The following SRC variants were observed in gnomAD, a reference collection of about 807,000 sequenced individuals.
SRC encodes the protein proto-oncogene tyrosine-protein kinase Src.
Under a neutral mutation model 62.9 loss-of-function variants are expected in SRC, and 13 were observed. That is an observed-to-expected ratio of 0.21 (90% CI 0.13 to 0.33). The LOEUF is 0.33. SRC is among the 10% of genes least tolerant of loss of function. The pLI, the probability that SRC is intolerant of heterozygous loss-of-function variation, is 1.00. For synonymous variants in SRC, 302 were observed against 317.5 expected (o/e 0.95, Z 0.52); for missense variants, 457 against 737.3 (o/e 0.62, Z 4.40).
At chr20:37,355,266 G>A (rs901304932) in intron 1 of SRC, among the ~76,000 whole-genome samples, 1 of 140,734 alleles carries the variant, frequency 7.1e-6, no homozygotes, top group South Asian at 2.6e-4. Context: ...TGTTCCCGAA[G>A]GCCCCGGAAC....
At chr20:37,391,470 C>G (rs551720351) in intron 5 of SRC, among the ~76,000 whole-genome samples, 2 of 152,310 alleles carry the variant, frequency 1.3e-5, no homozygotes, top group African/African-American at 4.8e-5. Flanking sequence ...TGAAAGATCT[C>G]AGAGAGCTGT....
rs555346807 is a variant in SRC, at chr20:37,390,979, A to G, written c.351-2916A>G. 4.9e-4 allele frequency among the ~76,000 whole-genome samples: 74 copies of G among 152,272 alleles called. 1 individual carries two copies. Among genetic ancestry groups the G allele is most frequent in the South Asian group, 1.0e-3 (5 of 4,824 alleles). Reference sequence around the variant, plus strand: ...TGAAATGAAACCTCCAGACTAGACCATGAAACCCCAGGCTCACAGGTGGGC... The same window carrying G: ...TGAAATGAAACCTCCAGACTAGACCGTGAAACCCCAGGCTCACAGGTGGGC... On this transcript the variant is annotated intron_variant, in intron 5 of 13. Transcript: ENST00000373578.
At chr20:37,347,595 A>T (rs2069741428) in intron 1 of SRC, among the ~76,000 whole-genome samples, 1 of 152,186 alleles carries the variant, frequency 6.6e-6, no homozygotes, top group African/African-American at 2.4e-5. Context: ...CTTGAGAAAG[A>T]AATAGCCCTG....
chr20:37,375,375 G>A (rs1314385245), intron 2 of SRC, among the ~76,000 whole-genome samples: 1 of 152,032 alleles, frequency 6.6e-6, no homozygotes, highest in Non-Finnish European at 1.5e-5. Flanking sequence ...GGGTCTACAG[G>A]TGCACACCAT....
intron 2 of SRC, among the ~76,000 whole-genome samples, 194 bp from the exon 3 acceptor site, chr20:37,382,425 G>A (rs1483408720): frequency 6.6e-6 from 1 of 152,184 alleles, no homozygotes; most frequent in Admixed American, 6.5e-5. Context: ...ACCCTGTCTC[G>A]CTCTTGCTTT....
chr20:37,396,116 G>T lies in SRC; in HGVS notation c.554-46G>T, dbSNP rs368943243. On this transcript the variant is annotated intron_variant, in intron 7 of 13. Transcript: ENST00000373578. The surrounding 1 kb of genome is among the most constrained non-coding windows in gnomAD (Gnocchi z 6.1). ...AACGGTGTCCAGAGCAGCGGCCTGC[G>T]GGGGGAGAGGGCATGGCGGTCACGG... The T allele has an allele frequency of 5.0e-6, 8 of 1,597,838 alleles. No homozygotes were observed. In the Admixed American group the frequency reaches 5.0e-5, roughly 10 times the overall value.
At chr20:37,368,741 C>T (rs958859799) in intron 2 of SRC, among the ~76,000 whole-genome samples, 1 of 151,084 alleles carries the variant, frequency 6.6e-6, no homozygotes, top group Admixed American at 6.6e-5. Flanking sequence ...TTAGTAGAGA[C>T]GGGGTTTCAC....
intron 7 of SRC, among the ~76,000 whole-genome samples, chr20:37,395,261 G>T (rs554790175): frequency 6.6e-6 from 1 of 152,336 alleles, no homozygotes; most frequent in South Asian, 2.1e-4. Context: ...TCTTCTGTAC[G>T]CTGGGATTGT....
At chr20:37,386,951 C>T (rs900308830) in intron 5 of SRC, among the ~76,000 whole-genome samples, 1 of 152,232 alleles carries the variant, frequency 6.6e-6, no homozygotes, top group African/African-American at 2.4e-5. Flanking sequence ...CCGGTGATGA[C>T]CACAGGGACT....
At chr20:37,372,523 C>T (rs912169325) in intron 2 of SRC, among the ~76,000 whole-genome samples, 13 of 152,050 alleles carry the variant, frequency 8.5e-5, no homozygotes, top group Non-Finnish European at 1.6e-4. Context: ...TTACTTCATT[C>T]TATTGTGGTT....
In SRC at chr20:37,396,097, G is replaced by C. The variant is rs2070641651; in HGVS notation, c.554-65G>C. ...CAATGTCAGGCAGGCACAGAACGGT[G>C]TCCAGAGCAGCGGCCTGCGGGGGGA... is the stretch of plus-strand genomic sequence containing the variant. On this transcript the variant is annotated intron_variant, in intron 7 of 13. Transcript: ENST00000373578. The surrounding 1 kb of genome is among the most constrained non-coding windows in gnomAD (Gnocchi z 6.1). The C allele has an allele frequency of 6.3e-7, 1 of 1,580,758 alleles. No individual in the cohort carries two copies. The highest frequency in any genetic ancestry group is 8.6e-7 in the Non-Finnish European group (1 of 1,166,522).
At position 37,384,115 on chromosome 20, in the gene SRC, C is replaced by A; in HGVS notation, c.-4-35C>A. The A allele has an allele frequency of 6.3e-7, 1 of 1,591,942 alleles. No homozygotes were observed. Among genetic ancestry groups the A allele is most frequent in the African/African-American group, 1.4e-5 (1 of 73,392 alleles). On this transcript the variant is annotated intron_variant, in intron 3 of 13. Transcript: ENST00000373578. The surrounding 1 kb of genome is among the most constrained non-coding windows in gnomAD (Gnocchi z 6.7). ...GGCCGGCCAAGGGGCCCCGGCAGCC[C>A]TGCCTGTTCCAGTGTCTTCTCTCTC...
At chr20:37,345,160 T>C (rs1227005352), upstream of SRC, among the ~76,000 whole-genome samples, 1 of 152,068 alleles carries the variant, frequency 6.6e-6, no homozygotes, top group Non-Finnish European at 1.5e-5. Context: ...AAAGAAGGAA[T>C]ATGGAGGCAG....
At chr20:37,355,260 C>G (rs891387557) in intron 1 of SRC, among the ~76,000 whole-genome samples, 4 of 135,748 alleles carry the variant, frequency 2.9e-5, no homozygotes, top group African/African-American at 8.0e-5. Context: ...GCCAGGTGTT[C>G]CCGAAGGCCC....
intron 1 of SRC, among the ~76,000 whole-genome samples, chr20:37,357,398 C>T (rs2069899547): frequency 6.6e-6 from 1 of 152,194 alleles, no homozygotes; most frequent in African/African-American, 2.4e-5. Flanking sequence ...GGGTGCCCTG[C>T]TTGCTCTTCC....
chr20:37,393,723 T>G (rs1361587771), intron 5 of SRC, 172 bp from the exon 6 acceptor site: 7 of 574,140 alleles, frequency 1.2e-5, no homozygotes, highest in South Asian at 4.6e-5. Flanking sequence ...AGGGGAGGAG[T>G]TCCAGGCCAG....
intron 4 of SRC, among the ~76,000 whole-genome samples, chr20:37,385,459 A>AG (rs1464449495): frequency 7.1e-6 from 1 of 141,034 alleles, no homozygotes; most frequent in African/African-American, 2.6e-5. Flanking sequence ...CAGCTCGTGG[A>AG]GGGTGTTAGA....
intron 2 of SRC, among the ~76,000 whole-genome samples, chr20:37,366,058 T>C (rs1404335055): frequency 6.6e-6 from 1 of 152,220 alleles, no homozygotes; most frequent in Non-Finnish European, 1.5e-5. Context: ...CTTTATTTAA[T>C]TAAGGACAGA....
chr20:37,345,678 G>A (rs963904811), upstream of SRC, among the ~76,000 whole-genome samples: 2 of 152,252 alleles, frequency 1.3e-5, no homozygotes, highest in Non-Finnish European at 2.9e-5. Context: ...CTCAGGCCAG[G>A]TGGTGGTTAG....
Sources: gnomAD v4.1 joint callset for allele counts (sites outside exome capture counted in the v4.1 genomes callset) on GRCh38, gnomAD v4.1.1 for gene constraint, Gnocchi (gnomAD v3.1) non-coding constraint, MANE v1.5 for transcripts, NCBI Gene and HGNC (gene_info 2026-07-23, HGNC 2026-07-21) for gene names.